PDE3A: variants seen among roughly 807,000 people sequenced by gnomAD.
PDE3A encodes the protein phosphodiesterase 3A, also known as cGMP-inhibited 3',5'-cyclic phosphodiesterase 3A.
PDE3A carries 43 observed loss-of-function variants against 98.3 expected under a neutral mutation model. The observed-to-expected ratio is 0.44, with a 90% confidence interval of 0.34 to 0.56. The LOEUF is 0.56. PDE3A is among the 20% of genes least tolerant of loss of function. The pLI, the probability that PDE3A is intolerant of heterozygous loss-of-function variation, is 0.01. For missense variants in PDE3A, 1,427 were observed against 1,440.7 expected, an observed-to-expected ratio of 0.99 and a Z score of 0.15; for synonymous variants, 663 against 567.9, an observed-to-expected ratio of 1.17 and a Z score of -2.38.
Position 20,684,950 on chromosome 12 carries a change from G to A in PDE3A, c.*4679G>A. Among the ~76,000 whole-genome samples, 1 of 152,224 alleles carries A rather than the reference G, an allele frequency of 6.6e-6. No individual in the cohort carries two copies. The highest frequency in any genetic ancestry group is 1.9e-4 in the East Asian group (1 of 5,196). The stretch of plus-strand genomic sequence containing the variant: ...AATGGTAACATATTTTCCAGTCTAT[G>A]TTATGCACCATGGATGTTAGGCAAT... On this transcript the variant is annotated 3_prime_UTR_variant, in exon 16 of 16. Coordinates refer to ENST00000359062, the MANE Select transcript of PDE3A (RefSeq NM_000921.5).
At chr12:20,597,654 C>G (rs1943498244) in intron 2 of PDE3A, among the ~76,000 whole-genome samples, 1 of 152,182 alleles carries the variant, frequency 6.6e-6, no homozygotes, top group Admixed American at 6.6e-5. Context: ...TCACTTTCAA[C>G]CAACTTCTTT....
At chr12:20,661,591 A>G (rs1945171664) in intron 15 of PDE3A, among the ~76,000 whole-genome samples, 3 of 152,132 alleles carry the variant, frequency 2.0e-5, no homozygotes, top group African/African-American at 2.4e-5. Context: ...CTGCATCCCA[A>G]CCACTCCAGT....
intron 2 of PDE3A, among the ~76,000 whole-genome samples, chr12:20,604,442 A>C (rs1943665847): frequency 6.6e-6 from 1 of 151,742 alleles, no homozygotes; most frequent in Non-Finnish European, 1.5e-5. Flanking sequence ...CCACATACAC[A>C]ACCTTACAAA....
Position 20,406,106 on chromosome 12 carries a change from C to T in PDE3A, c.960+35862C>T, listed in dbSNP as rs1342517607. Among the ~76,000 whole-genome samples, 3 of 152,174 alleles carry T rather than the reference C, an allele frequency of 2.0e-5. No homozygotes were observed. In the East Asian group the frequency reaches 5.8e-4, roughly 29 times the overall value. On this transcript the variant is annotated intron_variant, in intron 1 of 15. Coordinates refer to ENST00000359062, the MANE Select transcript of PDE3A (RefSeq NM_000921.5). Reference sequence around the variant, plus strand: ...GTATGCACACACATACATATACACACATCACATGTTCTTTATCCATTTATA... The same window carrying T: ...GTATGCACACACATACATATACACATATCACATGTTCTTTATCCATTTATA...
chr12:20,648,578 C>T, intron 12 of PDE3A, 110 bp from the exon 13 acceptor site: 3 of 720,922 alleles, frequency 4.2e-6, no homozygotes, highest in Non-Finnish European at 5.0e-6. Context: ...TACGTGATTA[C>T]ATTTCTTTGT....
At chr12:20,386,144 T>TATATAAAA (rs1237064551) in intron 1 of PDE3A, among the ~76,000 whole-genome samples, 2 of 26,504 alleles carry the variant, frequency 7.5e-5, no homozygotes, top group Non-Finnish European at 1.3e-4. Context: ...TATATATAAA[T>TATATAAAA]ATATATATAA....
chr12:20,518,295 G>C (rs2121140585), intron 1 of PDE3A, among the ~76,000 whole-genome samples: 1 of 152,080 alleles, frequency 6.6e-6, no homozygotes, highest in East Asian at 1.9e-4. Context: ...AATCAGTTCT[G>C]TTTTTTACAG....
At chr12:20,568,185 G>T (rs1942708527) in intron 2 of PDE3A, among the ~76,000 whole-genome samples, 1 of 152,020 alleles carries the variant, frequency 6.6e-6, no homozygotes, top group East Asian at 1.9e-4. Flanking sequence ...TTATGTAGAT[G>T]TTATTTCTTC....
At chr12:20,597,684 G>A (rs1465670605) in intron 2 of PDE3A, among the ~76,000 whole-genome samples, 1 of 151,978 alleles carries the variant, frequency 6.6e-6, no homozygotes, top group Non-Finnish European at 1.5e-5. Context: ...TATAACCAGG[G>A]GTACTGGATA....
intron 2 of PDE3A, among the ~76,000 whole-genome samples, chr12:20,608,744 AATTT>A (rs1357152202): frequency 6.6e-6 from 1 of 152,028 alleles, no homozygotes; most frequent in African/African-American, 2.4e-5. Flanking sequence ...TCTTCCCAAT[AATTT>A]ATTTAAAACT....
At chr12:20,493,535 T>C (rs77821099) in intron 1 of PDE3A, among the ~76,000 whole-genome samples, 8 of 152,100 alleles carry the variant, frequency 5.3e-5, no homozygotes, top group African/African-American at 1.9e-4. Flanking sequence ...ATACCAAGGG[T>C]TGACTATATG....
At chr12:20,513,688 G>A (rs1294872419) in intron 1 of PDE3A, among the ~76,000 whole-genome samples, 2 of 152,060 alleles carry the variant, frequency 1.3e-5, no homozygotes, top group African/African-American at 4.8e-5. Context: ...TATGTTAGGA[G>A]ATTGTGTTGA....
intron 15 of PDE3A, among the ~76,000 whole-genome samples, chr12:20,677,206 C>T (rs1414044121): frequency 6.6e-6 from 1 of 151,860 alleles, no homozygotes; most frequent in Non-Finnish European, 1.5e-5. Flanking sequence ...GTTTTTATAC[C>T]TGTCTCTTTA....
At chr12:20,387,544 C>A (rs1034304376) in intron 1 of PDE3A, among the ~76,000 whole-genome samples, 2 of 151,940 alleles carry the variant, frequency 1.3e-5, no homozygotes, top group African/African-American at 4.8e-5. Context: ...AATAGTCTGA[C>A]AAATCCCAAT....
intron 1 of PDE3A, among the ~76,000 whole-genome samples, chr12:20,424,351 CA>C (rs1436988957): frequency 3.3e-5 from 5 of 152,052 alleles, no homozygotes; most frequent in Non-Finnish European, 7.4e-5. Flanking sequence ...TTTACCTCCC[CA>C]CTGCCCTCTT....
At chr12:20,530,279 G>A (rs564396564) in intron 1 of PDE3A, among the ~76,000 whole-genome samples, 2 of 152,174 alleles carry the variant, frequency 1.3e-5, no homozygotes, top group South Asian at 4.1e-4. Flanking sequence ...CTTATAAGCT[G>A]TACCATAATT....
intron 2 of PDE3A, among the ~76,000 whole-genome samples, chr12:20,580,784 C>A (rs1482839813): frequency 6.6e-6 from 1 of 152,174 alleles, no homozygotes; most frequent in Non-Finnish European, 1.5e-5. Context: ...AGTAATGCTC[C>A]TTTACCCCCT....
intron 1 of PDE3A, among the ~76,000 whole-genome samples, chr12:20,469,620 C>G (rs1397736468): frequency 1.3e-5 from 2 of 152,124 alleles, no homozygotes; most frequent in East Asian, 3.8e-4. Flanking sequence ...TATTTAGGAC[C>G]TGTTTCAGTT....
intron 1 of PDE3A, among the ~76,000 whole-genome samples, chr12:20,370,484 C>T (rs1374031732): frequency 1.4e-5 from 2 of 145,120 alleles, no homozygotes; most frequent in Admixed American, 7.1e-5. Context: ...ACACAATTAA[C>T]AAAACTAGAT....
Sources: gnomAD v4.1 joint callset for allele counts (sites outside exome capture counted in the v4.1 genomes callset) on GRCh38, gnomAD v4.1.1 for gene constraint, MANE v1.5 for transcripts, NCBI Gene and HGNC (gene_info 2026-07-23, HGNC 2026-07-21) for gene names.